FOS: variants seen among roughly 807,000 people sequenced by gnomAD.
FOS encodes protein c-Fos.
A neutral mutation model predicts 27.2 loss-of-function variants in FOS; 9 were observed. The observed-to-expected ratio is 0.33, with a 90% confidence interval of 0.20 to 0.58. FOS has a LOEUF of 0.58. Ranked by LOEUF, FOS falls within the 20% of genes least tolerant of loss-of-function variation. FOS has a pLI of 0.87. For synonymous variants in FOS, 213 were observed against 205.1 expected, an observed-to-expected ratio of 1.04 and a Z score of -0.33; for missense variants, 405 against 483.5, an observed-to-expected ratio of 0.84 and a Z score of 1.52.
Position 75,281,457 on chromosome 14 carries a change from C to T in FOS, c.*33C>T. ...GGGAAGGGGAGGCAGCCGGCACCCACAAGTGCCACTGCCCGAGCTGGTGCA... is the reference window on the plus strand; with the variant it reads ...GGGAAGGGGAGGCAGCCGGCACCCATAAGTGCCACTGCCCGAGCTGGTGCA... On this transcript the variant is annotated 3_prime_UTR_variant, in exon 4 of 4. Coordinates refer to ENST00000303562, the MANE Select transcript of FOS (RefSeq NM_005252.4). The surrounding 1 kb of genome is among the most constrained non-coding windows in gnomAD (Gnocchi z 4.7). 6.3e-7 allele frequency: 1 copy of T among 1,599,242 alleles called. No individual in the cohort carries two copies.
At chr14:75,280,414 A>T in intron 2 of FOS, 146 bp from the exon 3 acceptor site, 1 of 708,446 alleles carries the variant, frequency 1.4e-6, no homozygotes, top group Non-Finnish European at 2.4e-6. Flanking sequence ...AGTCACACCT[A>T]GTCTGCAACT....
In FOS at chr14:75,281,592, C is replaced by T. The variant is rs906849783; in HGVS notation, c.*168C>T. 3 of 708,108 alleles carry T rather than the reference C, an allele frequency of 4.2e-6. No homozygotes were observed. The African/African-American group carries it at 5.4e-5, about 13-fold the overall frequency. 43.9% of individuals were successfully genotyped at this position (708,108 alleles called of 1,614,324 possible). Reference sequence around the variant, plus strand: ...GTGGGCCTCAAGGACTTGAAAGCATCCATGTGTGGACTCAAGTCCTTACCT... The same window carrying T: ...GTGGGCCTCAAGGACTTGAAAGCATTCATGTGTGGACTCAAGTCCTTACCT... On this transcript the variant is annotated 3_prime_UTR_variant, in exon 4 of 4. Transcript: ENST00000303562. This position sits in a 1 kb window ranked among gnomAD's most constrained non-coding sequence, Gnocchi z 4.7.
In FOS at chr14:75,279,453, CAG is replaced by C; in HGVS notation, c.141+332_141+333del. The C allele has an allele frequency of 2.2e-6, 1 of 447,604 alleles. No homozygotes were observed. Among genetic ancestry groups the C allele is most frequent in the African/African-American group, 2.0e-5 (1 of 49,054 alleles). The allele number at this position is 447,604 out of a possible 1,614,324, so 27.7% of individuals were successfully genotyped here. A position where few individuals can be genotyped will look rare whatever the true frequency, so the allele number is the denominator to read the frequency against. ...GAGCCTGGCTTCTCCGGGGAGGTGGCAGAAAGCGGCAATCCCCCCTCCCCCGG... is the reference window on the plus strand; with the variant it reads ...GAGCCTGGCTTCTCCGGGGAGGTGGCAAAGCGGCAATCCCCCCTCCCCCGG... On this transcript the variant is annotated intron_variant, in intron 1 of 3. Transcript: ENST00000303562. This position sits in a 1 kb window ranked among gnomAD's most constrained non-coding sequence, Gnocchi z 5.4.
In FOS at chr14:75,281,703, A is replaced by G. The variant is rs1897232288; in HGVS notation, c.*279A>G. ...CTGGTAGTTAGTAGCATGTTGAGCC[A>G]GGCCTGGGTCTGTGTCTCTTTTCTC... On this transcript the variant is annotated 3_prime_UTR_variant, in exon 4 of 4. Coordinates refer to ENST00000303562, the MANE Select transcript of FOS (RefSeq NM_005252.4). This position sits in a 1 kb window ranked among gnomAD's most constrained non-coding sequence, Gnocchi z 4.7. The G allele has an allele frequency of 2.1e-6, 1 of 467,928 alleles. No homozygotes were observed. Among genetic ancestry groups the G allele is most frequent in the Non-Finnish European group, 3.9e-6 (1 of 258,694 alleles). 29.0% of individuals were successfully genotyped at this position (467,928 alleles called of 1,614,324 possible).
rs1363635485 is a variant in FOS, at chr14:75,281,259, G to A, written c.978G>A (p.Pro326=). Reference sequence around the variant, plus strand: ...CAGAGCTGGAGCCCCTGTGCACTCCGGTGGTCACCTGTACTCCCAGCTGCA... The same window carrying A: ...CAGAGCTGGAGCCCCTGTGCACTCCAGTGGTCACCTGTACTCCCAGCTGCA... ...MATELEPLCT[P]VVTCTPSCTA... is the part of the protein sequence containing the mutation. Residue 326 remains proline, a synonymous_variant, in exon 4 of 4, where the codon CCG becomes CCA. Coordinates refer to ENST00000303562, the MANE Select transcript of FOS (RefSeq NM_005252.4). The surrounding 1 kb of genome is among the most constrained non-coding windows in gnomAD (Gnocchi z 4.7). The A allele has an allele frequency of 3.1e-6, 5 of 1,611,834 alleles. No homozygotes were observed. Among genetic ancestry groups the A allele is most frequent in the Non-Finnish European group, 3.4e-6 (4 of 1,180,012 alleles).
chr14:75,281,444 C>T lies in FOS; in HGVS notation c.*20C>T, dbSNP rs1468418985. 5.6e-6 allele frequency: 9 copies of T among 1,603,114 alleles called. No individual in the cohort carries two copies. The highest frequency in any genetic ancestry group is 2.7e-5 in the African/African-American group (2 of 74,850). On this transcript the variant is annotated 3_prime_UTR_variant, in exon 4 of 4. Transcript: ENST00000303562. The surrounding 1 kb of genome is among the most constrained non-coding windows in gnomAD (Gnocchi z 4.7). Reference sequence around the variant, plus strand: ...CTGTGAGGGGGCAGGGAAGGGGAGGCAGCCGGCACCCACAAGTGCCACTGC... The same window carrying T: ...CTGTGAGGGGGCAGGGAAGGGGAGGTAGCCGGCACCCACAAGTGCCACTGC...
rs1897206077 is a variant in FOS at position 75,279,863 on chromosome 14, C to T, written c.142-14C>T. The T allele has an allele frequency of 6.3e-7, 1 of 1,575,234 alleles. No homozygotes were observed. The highest frequency in any genetic ancestry group is 8.6e-7 in the Non-Finnish European group (1 of 1,156,216). Reference sequence around the variant, plus strand: ...GCTCGCTCACGTCGGCTTTCCCCTTCTGTTTTGTTCTAGGACTTCTGCACG... The same window carrying T: ...GCTCGCTCACGTCGGCTTTCCCCTTTTGTTTTGTTCTAGGACTTCTGCACG... On this transcript the variant is annotated splice_polypyrimidine_tract_variant and intron_variant, in intron 1 of 3. Transcript: ENST00000303562. The surrounding 1 kb of genome is among the most constrained non-coding windows in gnomAD (Gnocchi z 5.4).
Position 75,279,226 on chromosome 14 carries a change from C to A in FOS, c.141+103C>A. On this transcript the variant is annotated intron_variant, in intron 1 of 3. Coordinates refer to ENST00000303562, the MANE Select transcript of FOS (RefSeq NM_005252.4). The surrounding 1 kb of genome is among the most constrained non-coding windows in gnomAD (Gnocchi z 5.4). The stretch of plus-strand genomic sequence containing the variant: ...TAGATGAGTAGGGGGCTCCCTTGTG[C>A]CTGGAGGGAGGCTGCCGTGGCCGGA... The A allele has an allele frequency of 6.7e-7, 1 of 1,485,262 alleles. No homozygotes were observed. The highest frequency in any genetic ancestry group is 2.3e-5 in the East Asian group (1 of 43,726). 92.0% of individuals were successfully genotyped at this position (1,485,262 alleles called of 1,614,324 possible). A position where few individuals can be genotyped will look rare whatever the true frequency, so the allele number is the denominator to read the frequency against.
rs1897206682 is a variant in FOS, at chr14:75,279,905, G to T, written c.170G>T (p.Ser57Ile). The part of the protein sequence containing the change: ...QDFCTDLAVS[S>I]ANFIPTVTAI... Reference sequence around the variant, plus strand: ...TTCTGCACGGACCTGGCCGTCTCCAGTGCCAACTTCATTCCCACGGTCACT... The same window carrying T: ...TTCTGCACGGACCTGGCCGTCTCCATTGCCAACTTCATTCCCACGGTCACT... The change falls in exon 2 of 4, where the codon AGT becomes ATT. Residue 57 changes from serine to isoleucine, a missense_variant. Ser to Ile is a moderately radical substitution (Grantham distance 142). Transcript: ENST00000303562. The surrounding 1 kb of genome is among the most constrained non-coding windows in gnomAD (Gnocchi z 5.4). 1 of 1,612,676 alleles carries T rather than the reference G, an allele frequency of 6.2e-7. No individual in the cohort carries two copies. The highest frequency in any genetic ancestry group is 2.2e-5 in the East Asian group (1 of 44,878).
rs890342322 is a variant in FOS at position 75,279,691 on chromosome 14, C to T, written c.142-186C>T. On this transcript the variant is annotated intron_variant, in intron 1 of 3. Transcript: ENST00000303562. The surrounding 1 kb of genome is among the most constrained non-coding windows in gnomAD (Gnocchi z 5.4). ...GCAGCGGCAGGATGGAAGAGACAGG[C>T]ACTGCGCTGCGGAATGCCTGGGAGG... 6 of 656,038 alleles carry T rather than the reference C, an allele frequency of 9.1e-6. No individual in the cohort carries two copies. Among genetic ancestry groups the T allele is most frequent in the Non-Finnish European group, 1.3e-5 (5 of 379,698 alleles). 40.6% of individuals were successfully genotyped at this position (656,038 alleles called of 1,614,324 possible).
chr14:75,279,255 G>A lies in FOS; in HGVS notation c.141+132G>A. 7.2e-6 allele frequency: 9 copies of A among 1,251,256 alleles called. No homozygotes were observed. Among genetic ancestry groups the A allele is most frequent in the Admixed American group, 2.4e-5 (1 of 41,528 alleles). The allele number at this position is 1,251,256 out of a possible 1,614,324, so 77.5% of individuals were successfully genotyped here. On this transcript the variant is annotated intron_variant, in intron 1 of 3. Transcript: ENST00000303562. This position sits in a 1 kb window ranked among gnomAD's most constrained non-coding sequence, Gnocchi z 5.4. ...GAGGGAGGCTGCCGTGGCCGGAGCG[G>A]TGCCGGCTCGGGGGCTCGGGACTTG...
rs1372496385 is a variant in FOS at position 75,282,085 on chromosome 14, G to A, written c.*661G>A. On this transcript the variant is annotated 3_prime_UTR_variant, in exon 4 of 4. Transcript: ENST00000303562. ...TGTTTTTAATTTATTTATTAAGATGGATTCTCAGATATTTATATTTTTATT... is the reference window on the plus strand; with the variant it reads ...TGTTTTTAATTTATTTATTAAGATGAATTCTCAGATATTTATATTTTTATT... The A allele has an allele frequency of 2.0e-5, 3 of 152,528 alleles. No homozygotes were observed. Among genetic ancestry groups the A allele is most frequent in the African/African-American group, 4.8e-5 (2 of 41,410 alleles). The allele number at this position is 152,528 out of a possible 1,614,324, so 9.4% of individuals were successfully genotyped here.
rs1897199615 is a variant in FOS at position 75,279,344 on chromosome 14, C to T, written c.141+221C>T. 2 of 618,558 alleles carry T rather than the reference C, an allele frequency of 3.2e-6. No individual in the cohort carries two copies. The highest frequency in any genetic ancestry group is 1.9e-5 in the African/African-American group (1 of 53,856). 38.3% of individuals were successfully genotyped at this position (618,558 alleles called of 1,614,324 possible). A position where few individuals can be genotyped will look rare whatever the true frequency, so the allele number is the denominator to read the frequency against. On this transcript the variant is annotated intron_variant, in intron 1 of 3. Coordinates refer to ENST00000303562, the MANE Select transcript of FOS (RefSeq NM_005252.4). The surrounding 1 kb of genome is among the most constrained non-coding windows in gnomAD (Gnocchi z 5.4). ...TCCCCCTTCGGGAGGCAGGTTCGTT[C>T]TGAGCAACCTCTGGTCTGCACTCCA...
chr14:75,279,223 G>T lies in FOS; in HGVS notation c.141+100G>T. ...CAGTAGATGAGTAGGGGGCTCCCTT[G>T]TGCCTGGAGGGAGGCTGCCGTGGCC... On this transcript the variant is annotated intron_variant, in intron 1 of 3. Transcript: ENST00000303562. The surrounding 1 kb of genome is among the most constrained non-coding windows in gnomAD (Gnocchi z 5.4). 6.7e-7 allele frequency: 1 copy of T among 1,498,738 alleles called. No individual in the cohort carries two copies. The highest frequency in any genetic ancestry group is 9.1e-7 in the Non-Finnish European group (1 of 1,104,230). 92.8% of individuals were successfully genotyped at this position (1,498,738 alleles called of 1,614,324 possible). A position where few individuals can be genotyped will look rare whatever the true frequency, so the allele number is the denominator to read the frequency against.
Position 75,281,631 on chromosome 14 carries a change from A to T in FOS, c.*207A>T, listed in dbSNP as rs560641663. 3.3e-6 allele frequency: 2 copies of T among 601,278 alleles called. No individual in the cohort carries two copies. Among genetic ancestry groups the T allele is most frequent in the Non-Finnish European group, 5.9e-6 (2 of 339,678 alleles). 37.2% of individuals were successfully genotyped at this position (601,278 alleles called of 1,614,324 possible). On this transcript the variant is annotated 3_prime_UTR_variant, in exon 4 of 4. Transcript: ENST00000303562. The surrounding 1 kb of genome is among the most constrained non-coding windows in gnomAD (Gnocchi z 4.7). ...AAGTCCTTACCTCTTCCGGAGATGTAGCAAAACGCATGGAGTGTGTATTGT... is the reference window on the plus strand; with the variant it reads ...AAGTCCTTACCTCTTCCGGAGATGTTGCAAAACGCATGGAGTGTGTATTGT...
In FOS at chr14:75,279,994, C is replaced by A; in HGVS notation, c.259C>A (p.Pro87Thr). 1.2e-6 allele frequency: 2 copies of A among 1,614,170 alleles called. No homozygotes were observed. Among genetic ancestry groups the A allele is most frequent in the South Asian group, 2.2e-5 (2 of 91,084 alleles). ...VQPALVSSVA[P>T]SQTRAPHPFG... is the part of the protein sequence containing the mutation. ...GCCCGCCCTCGTCTCCTCCGTGGCC[C>A]CATCGCAGACCAGAGCCCCTCACCC... Residue 87 changes from proline (P) to threonine (T), a missense_variant, in exon 2 of 4, where the codon CCA becomes ACA. Transcript: ENST00000303562. The surrounding 1 kb of genome is among the most constrained non-coding windows in gnomAD (Gnocchi z 5.4).
intron 2 of FOS, 62 bp downstream of exon 2, chr14:75,280,190 G>C: frequency 6.2e-7 from 1 of 1,608,374 alleles, no homozygotes; most frequent in Middle Eastern, 1.7e-4. Flanking sequence ...CAGCCCCGGA[G>C]ATGCAGGAGC....
Position 75,280,906 on chromosome 14 carries a change from G to A in FOS, c.625G>A (p.Asp209Asn). 6.2e-7 allele frequency: 1 copy of A among 1,614,178 alleles called. No individual in the cohort carries two copies. The highest frequency in any genetic ancestry group is 8.5e-7 in the Non-Finnish European group (1 of 1,180,026). Residue 209 changes from aspartate to asparagine, a missense_variant, in exon 4 of 4, where the codon GAC becomes AAC. Coordinates refer to ENST00000303562, the MANE Select transcript of FOS (RefSeq NM_005252.4). ...AHRPACKIPDDLGFPEEMSVA... is the reference protein window; with the variant it reads ...AHRPACKIPDNLGFPEEMSVA... Reference sequence around the variant, plus strand: ...CCGACCTGCCTGCAAGATCCCTGATGACCTGGGCTTCCCAGAAGAGATGTC... The same window carrying A: ...CCGACCTGCCTGCAAGATCCCTGATAACCTGGGCTTCCCAGAAGAGATGTC...
Position 75,279,269 on chromosome 14 carries a change from G to T in FOS, c.141+146G>T. On this transcript the variant is annotated intron_variant, in intron 1 of 3. Transcript: ENST00000303562. The surrounding 1 kb of genome is among the most constrained non-coding windows in gnomAD (Gnocchi z 5.4). ...TGGCCGGAGCGGTGCCGGCTCGGGG[G>T]CTCGGGACTTGCTCTGAGCGCACGC... is the stretch of plus-strand genomic sequence containing the variant. 1 of 1,053,002 alleles carries T rather than the reference G, an allele frequency of 9.5e-7. No individual in the cohort carries two copies. Among genetic ancestry groups the T allele is most frequent in the Non-Finnish European group, 1.4e-6 (1 of 724,850 alleles). 65.2% of individuals were successfully genotyped at this position (1,053,002 alleles called of 1,614,324 possible).
Sources: allele counts gnomAD v4.1 joint callset, GRCh38; gene constraint gnomAD v4.1.1; non-coding constraint Gnocchi (gnomAD v3.1); transcripts MANE v1.5; gene names NCBI Gene and HGNC (gene_info 2026-07-23, HGNC 2026-07-21).